The following PDCD6 variants were observed in gnomAD, a reference collection of about 807,000 sequenced individuals.
PDCD6 encodes programmed cell death 6.
Under a neutral mutation model 28.3 loss-of-function variants are expected in PDCD6, and 12 were observed. That is an observed-to-expected ratio of 0.42 (90% confidence interval 0.27 to 0.69). The LOEUF is 0.69. Ranked by LOEUF, PDCD6 falls within the 30% of genes least tolerant of loss-of-function variation. The pLI is 0.22. For synonymous variants in PDCD6, 92 were observed against 108.0 expected (o/e 0.85, Z 0.92); for missense variants, 226 against 269.9 (o/e 0.84, Z 1.14).
rs1214035320 is a variant in PDCD6 at position 277,258 on chromosome 5, TG to T, written c.163+4489del. Among the ~76,000 whole-genome samples, 14 of 151,394 alleles carry T rather than the reference TG, an allele frequency of 9.2e-5. 1 individual carries two copies. Among genetic ancestry groups the T allele is most frequent in the African/African-American group, 3.4e-4 (14 of 41,004 alleles). On this transcript the variant is annotated intron_variant, in intron 2 of 5. Transcript: ENST00000264933. ...CTCCTGCCTCAGCCTCCTGAGTAGC[TG>T]GGACTACAGGTGCCCACCACCACGC...
rs773289429 is a variant in PDCD6 at position 314,528 on chromosome 5, G to A, written c.*13G>A. The stretch of plus-strand genomic sequence containing the variant: ...CAGTATCGTATGACCCTGGCCTCTC[G>A]TGAAGAGCAGCACAACATGGAAAGA... On this transcript the variant is annotated 3_prime_UTR_variant, in exon 6 of 6. Coordinates refer to ENST00000264933, the MANE Select transcript of PDCD6 (RefSeq NM_013232.4). 5 of 1,577,508 alleles carry A rather than the reference G, an allele frequency of 3.2e-6. No homozygotes were observed. The highest frequency in any genetic ancestry group is 1.7e-5 in the Admixed American group (1 of 59,954).
At chr5:278,663 A>C (rs1014391540) in intron 2 of PDCD6, among the ~76,000 whole-genome samples, 7 of 151,746 alleles carry the variant, frequency 4.6e-5, no homozygotes, top group Non-Finnish European at 8.8e-5. Flanking sequence ...CAGTAAACCG[A>C]GATCGTGCCA....
chr5:282,254 G>A (rs996769758), intron 2 of PDCD6, among the ~76,000 whole-genome samples: 3 of 132,340 alleles, frequency 2.3e-5, no homozygotes, highest in African/African-American at 8.8e-5. Flanking sequence ...TAATTTAAGG[G>A]TGGTGCAGCG....
intron 5 of PDCD6, chr5:311,717 C>T (rs893088595): frequency 1.3e-5 from 4 of 303,594 alleles, no homozygotes; most frequent in South Asian, 3.2e-5. Context: ...GTTTTGAGAC[C>T]GAGTCTCGCT....
At chr5:278,802 GGGATGCAGGGGA>G (rs1395009891) in intron 2 of PDCD6, among the ~76,000 whole-genome samples, 1 of 147,286 alleles carries the variant, frequency 6.8e-6, no homozygotes, top group Non-Finnish European at 1.5e-5. Context: ...GAGGGTGCTG[GGGATGCAGGGGA>G]GGGTGCTGGG....
At chr5:285,259 G>T (rs1738871026) in intron 2 of PDCD6, among the ~76,000 whole-genome samples, 1 of 151,758 alleles carries the variant, frequency 6.6e-6, no homozygotes, top group South Asian at 2.1e-4. Context: ...GTTCCAGTTT[G>T]AGAGCTGTGC....
intron 2 of PDCD6, chr5:276,526 C>T: frequency 3.1e-6 from 3 of 977,316 alleles, no homozygotes; most frequent in Non-Finnish European, 3.6e-6. Flanking sequence ...GTCTCAAACT[C>T]CTAGGCTCAA....
intron 5 of PDCD6, chr5:312,418 A>T (rs1437005795): frequency 6.6e-6 from 1 of 152,178 alleles, no homozygotes; most frequent in African/African-American, 2.4e-5. Context: ...AATTTGGAAA[A>T]CGTTCCCAAA....
intron 2 of PDCD6, chr5:276,447 T>C (rs1738207322): frequency 2.0e-6 from 2 of 986,550 alleles, no homozygotes; most frequent in Non-Finnish European, 2.4e-6. Context: ...TCCTCTTCCT[T>C]CTTCTCTCTG....
At chr5:273,434 T>C (rs1737970011) in intron 2 of PDCD6, 2 of 152,782 alleles carry the variant, frequency 1.3e-5, no homozygotes, top group Admixed American at 6.5e-5. Context: ...CCGCTATCAT[T>C]GGACACATTT....
intron 2 of PDCD6, among the ~76,000 whole-genome samples, chr5:280,745 T>G (rs1235287118): frequency 7.2e-6 from 1 of 139,788 alleles, no homozygotes; most frequent in Non-Finnish European, 1.5e-5. Context: ...GGAGCTGGCA[T>G]TTAAGAGGGG....
In PDCD6 at chr5:292,602, C is replaced by T. The variant is rs966799094; in HGVS notation, c.164-11575C>T. ...AAGGACTCTTTATACCTGTTCATTC[C>T]GGTGACTATCTGTATGGCAAAGATG... On this transcript the variant is annotated intron_variant, in intron 2 of 5. Transcript: ENST00000264933. Among the ~76,000 whole-genome samples, 7 of 152,140 alleles carry T rather than the reference C, an allele frequency of 4.6e-5. No individual in the cohort carries two copies. In the East Asian group the frequency reaches 9.6e-4, roughly 21 times the overall value.
chr5:312,785 G>A (rs2126785951), intron 5 of PDCD6, among the ~76,000 whole-genome samples: 1 of 152,296 alleles, frequency 6.6e-6, no homozygotes, highest in Non-Finnish European at 1.5e-5. Context: ...ACTCCAGCCT[G>A]GGTGACAGAG....
At chr5:284,469 C>T (rs1450034064) in intron 2 of PDCD6, among the ~76,000 whole-genome samples, 1 of 152,090 alleles carries the variant, frequency 6.6e-6, no homozygotes, top group African/African-American at 2.4e-5. Flanking sequence ...GTTTGAGGGC[C>T]GGGTAGCTGA....
At chr5:274,913 A>T (rs1010151307) in intron 2 of PDCD6, among the ~76,000 whole-genome samples, 1 of 152,184 alleles carries the variant, frequency 6.6e-6, no homozygotes, top group Non-Finnish European at 1.5e-5. Flanking sequence ...ACTGCTTGAG[A>T]GAATTGCCTG....
chr5:302,586 G>GA, intron 2 of PDCD6, among the ~76,000 whole-genome samples: 1 of 144,514 alleles, frequency 6.9e-6, no homozygotes, highest in East Asian at 2.1e-4. Flanking sequence ...TGGAGGGCGG[G>GA]TCATCGAGTG....
At chr5:299,856 T>TA (rs905434968) in intron 2 of PDCD6, among the ~76,000 whole-genome samples, 6 of 152,160 alleles carry the variant, frequency 3.9e-5, no homozygotes, top group African/African-American at 1.4e-4. Flanking sequence ...GCTGGTATTT[T>TA]TTTTTTTATT....
Position 301,882 on chromosome 5 carries a change from G to T in PDCD6, c.164-2295G>T, listed in dbSNP as rs560085936. 4.0e-5 allele frequency among the ~76,000 whole-genome samples: 6 copies of T among 150,918 alleles called. No individual in the cohort carries two copies. The South Asian group carries it at 1.3e-3, about 32-fold the overall frequency. On this transcript the variant is annotated intron_variant, in intron 2 of 5. Coordinates refer to ENST00000264933, the MANE Select transcript of PDCD6 (RefSeq NM_013232.4). ...AGGGTGGGTCGTCCAGTGCTGCTGT[G>T]TGTGTATGCCTCAGGTTCAGGTGCA...
chr5:274,633 C>CTGATGATGG (rs1447607365), intron 2 of PDCD6, among the ~76,000 whole-genome samples: 2 of 152,166 alleles, frequency 1.3e-5, no homozygotes, highest in African/African-American at 4.8e-5. Context: ...TTTCCATTAC[C>CTGATGATGG]TGATGATGGT....
Sources: allele counts gnomAD v4.1 joint callset (sites outside exome capture counted in the v4.1 genomes callset), GRCh38; gene constraint gnomAD v4.1.1; transcripts MANE v1.5; gene names NCBI Gene and HGNC (gene_info 2026-07-23, HGNC 2026-07-21).